MYOF: variants seen among roughly 807,000 people sequenced by gnomAD.
MYOF encodes myoferlin, also known as fer-1-like 3, myoferlin.
In MYOF, 244 loss-of-function variants were observed where a neutral mutation model predicts 284.2. That is an observed-to-expected ratio of 0.86 (90% CI 0.77 to 0.95). The LOEUF (loss-of-function observed/expected upper bound fraction) is 0.95. Ranked by LOEUF, MYOF falls within the 40% of genes least tolerant of loss-of-function variation. The pLI is 0.00. For missense variants in MYOF, 2,496 were observed against 2,560.6 expected (o/e 0.97, Z 0.54); for synonymous variants, 904 against 919.7 (o/e 0.98, Z 0.31).
intron 30 of MYOF, among the ~76,000 whole-genome samples, chr10:93,356,332 G>C (rs998160027): frequency 7.2e-5 from 11 of 152,052 alleles, no homozygotes; most frequent in Admixed American, 1.3e-4. Context: ...ATATTTTGTT[G>C]AACAGTTGCA....
Position 93,402,863 on chromosome 10 carries a change from G to C in MYOF, c.871C>G (p.Pro291Ala), listed in dbSNP as rs1283455590. 2 of 1,610,600 alleles carry C rather than the reference G, an allele frequency of 1.2e-6. No individual in the cohort carries two copies. The highest frequency in any genetic ancestry group is 2.2e-5 in the South Asian group (2 of 90,844). The change falls in exon 10 of 54, where the codon CCT becomes GCT. Residue 291 changes from proline (P) to alanine (A), a missense_variant. By Grantham distance (27) the Pro-to-Ala change is conservative (BLOSUM62 -1). Around this residue, in one of 3 missense-constraint regions of MYOF, gnomAD observed 2,436 missense variants for 2,480.7 expected, o/e 0.98. Coordinates refer to ENST00000359263, the MANE Select transcript of MYOF (RefSeq NM_013451.4). ...TGATGGGGAGAACATTACTTACCAG[G>C]TTCATCATAAACAAATCCAACATCA... ...KIDVGFVYDEPGHAVMRKWLL... is the reference protein window; with the variant it reads ...KIDVGFVYDEAGHAVMRKWLL...
intron 38 of MYOF, among the ~76,000 whole-genome samples, chr10:93,342,315 A>T (rs550720757): frequency 1.3e-4 from 19 of 151,094 alleles, no homozygotes; most frequent in Admixed American, 2.0e-4. Flanking sequence ...CAAGCTTGTT[A>T]TTGGCTCTTT....
Position 93,333,816 on chromosome 10 carries a change from G to T in MYOF, c.4661C>A (p.Thr1554Lys), listed in dbSNP as rs567247614. 1.5e-5 allele frequency: 24 copies of T among 1,613,964 alleles called. No individual in the cohort carries two copies. Among genetic ancestry groups the T allele is most frequent in the Non-Finnish European group, 1.9e-5 (23 of 1,180,018 alleles). Reference protein sequence around the residue: ...ELPDSVPQECTVRIYIVRGLE... With the variant: ...ELPDSVPQECKVRIYIVRGLE... Reference sequence around the variant, plus strand: ...GCCTCGAACAATGTAAATCCTAACCGTGCATTCCTGTGGGACGCTGTCAGG... The same window carrying T: ...GCCTCGAACAATGTAAATCCTAACCTTGCATTCCTGTGGGACGCTGTCAGG... Residue 1554 changes from threonine to lysine, a missense_variant, in exon 42 of 54, where the codon ACG becomes AAG. Physicochemically the swap from Thr to Lys is moderately conservative, Grantham distance 78. Transcript: ENST00000359263.
chr10:93,347,177 T>C (rs1670111258), intron 37 of MYOF, among the ~76,000 whole-genome samples: 1 of 152,322 alleles, frequency 6.6e-6, no homozygotes, highest in East Asian at 1.9e-4. Flanking sequence ...TCACGCAGTT[T>C]GCTCATCCGT....
chr10:93,468,387 G>T (rs549705673), intron 1 of MYOF, among the ~76,000 whole-genome samples: 2 of 152,336 alleles, frequency 1.3e-5, no homozygotes, highest in East Asian at 3.9e-4. Context: ...AGGATCAAAT[G>T]AGAAAGCATA....
intron 37 of MYOF, among the ~76,000 whole-genome samples, chr10:93,345,042 T>G (rs953601515): frequency 2.6e-5 from 4 of 152,102 alleles, no homozygotes; most frequent in African/African-American, 9.7e-5. Context: ...CTCCCATTTA[T>G]TGAGGAAGCA....
At chr10:93,378,045 A>G (rs765537778) in intron 21 of MYOF, among the ~76,000 whole-genome samples, 3 of 152,228 alleles carry the variant, frequency 2.0e-5, no homozygotes, top group Non-Finnish European at 4.4e-5. Flanking sequence ...TGAGCACTGT[A>G]TACCCAGATT....
At chr10:93,404,534 T>G (rs999502775) in intron 7 of MYOF, among the ~76,000 whole-genome samples, 3 of 150,414 alleles carry the variant, frequency 2.0e-5, no homozygotes, top group African/African-American at 7.4e-5. Context: ...GCTAAGCAGG[T>G]ATCGGGGTAC....
chr10:93,401,587 G>T, intron 11 of MYOF, 43 bp from the exon 12 acceptor site: 7 of 1,598,012 alleles, frequency 4.4e-6, no homozygotes, highest in Non-Finnish European at 5.1e-6. Context: ...CAGAAAAGCA[G>T]CACTTGGAAA....
At chr10:93,437,333 T>C (rs1849172623) in intron 3 of MYOF, among the ~76,000 whole-genome samples, 1 of 151,986 alleles carries the variant, frequency 6.6e-6, no homozygotes, top group South Asian at 2.1e-4. Flanking sequence ...AAATGGAAAA[T>C]GTTCTCCCCT....
chr10:93,448,561 T>C (rs1283305492), intron 3 of MYOF, among the ~76,000 whole-genome samples: 3 of 152,184 alleles, frequency 2.0e-5, no homozygotes, highest in Non-Finnish European at 4.4e-5. Flanking sequence ...GGCCAGCCCA[T>C]TGCCATGCTA....
chr10:93,399,545 T>C, intron 12 of MYOF, 50 bp from the exon 13 acceptor site: 7 of 1,435,560 alleles, frequency 4.9e-6, no homozygotes, highest in South Asian at 1.2e-5. Context: ...TCCCAGAAAT[T>C]TGGCAAAATT....
At chr10:93,354,247 G>T (rs1401178824) in intron 31 of MYOF, among the ~76,000 whole-genome samples, 1 of 152,088 alleles carries the variant, frequency 6.6e-6, no homozygotes, top group Non-Finnish European at 1.5e-5. Context: ...GCATGGTGGT[G>T]CACGTCTGTA....
At chr10:93,337,679 C>T (rs925755280) in intron 40 of MYOF, 136 bp downstream of exon 40, 48 of 664,688 alleles carry the variant, frequency 7.2e-5, no homozygotes, top group African/African-American at 6.2e-4. Flanking sequence ...GAGGGCTCTC[C>T]GGGAAGACAG....
chr10:93,309,970 A>T, intron 53 of MYOF, 50 bp downstream of exon 53: 2 of 1,610,296 alleles, frequency 1.2e-6, no homozygotes, highest in Non-Finnish European at 1.7e-6. Context: ...GAGAGGACCA[A>T]CTGCAACTCA....
chr10:93,441,534 G>A (rs1012693837), intron 3 of MYOF, among the ~76,000 whole-genome samples: 10 of 149,522 alleles, frequency 6.7e-5, no homozygotes, highest in South Asian at 2.1e-4. Flanking sequence ...ACAGGTGCCC[G>A]CCACCATGCC....
chr10:93,441,019 T>A (rs1446417729), intron 3 of MYOF, among the ~76,000 whole-genome samples: 1 of 152,108 alleles, frequency 6.6e-6, no homozygotes, highest in African/African-American at 2.4e-5. Context: ...TAAAAAGAAA[T>A]CAGAACTGAG....
At chr10:93,339,600 T>G (rs78278206) in intron 39 of MYOF, among the ~76,000 whole-genome samples, 50,469 of 151,478 alleles carry the variant, frequency 0.33, 9,597 homozygotes, top group East Asian at 0.89. Flanking sequence ...CTCCCGAAAA[T>G]CTGGGATTAC....
At chr10:93,384,028 A>AG (rs371239009) in intron 19 of MYOF, among the ~76,000 whole-genome samples, 18 of 152,304 alleles carry the variant, frequency 1.2e-4, no homozygotes, top group African/African-American at 4.1e-4. Context: ...TAAAAGCAAT[A>AG]GTTTGGGCTT....
Sources: allele counts gnomAD v4.1 joint callset (sites outside exome capture counted in the v4.1 genomes callset), GRCh38; gene constraint gnomAD v4.1.1; regional missense constraint gnomAD v4.1.1; transcripts MANE v1.5; gene names NCBI Gene and HGNC (gene_info 2026-07-23, HGNC 2026-07-21).